PHF3: variants seen among roughly 807,000 people sequenced by gnomAD.
PHF3 encodes the protein PHD finger protein 3.
In PHF3, 41 loss-of-function variants were observed where a neutral mutation model predicts 178.4. That is an observed-to-expected ratio of 0.23 (90% CI 0.18 to 0.30). The LOEUF is 0.30. Ranked by LOEUF, PHF3 falls within the 10% of genes least tolerant of loss-of-function variation. The pLI is 1.00. For missense variants in PHF3, 2,346 were observed against 2,398.1 expected, an observed-to-expected ratio of 0.98 and a Z score of 0.45; for synonymous variants, 842 against 800.5, an observed-to-expected ratio of 1.05 and a Z score of -0.88.
intron 2 of PHF3, among the ~76,000 whole-genome samples, chr6:63,671,893 C>T (rs767623402): frequency 2.2e-4 from 33 of 151,804 alleles, no homozygotes; most frequent in Admixed American, 2.1e-3. Context: ...ATTACAGGCA[C>T]GCACCACCAC....
intron 2 of PHF3, among the ~76,000 whole-genome samples, chr6:63,651,870 G>A (rs1366299034): frequency 6.6e-6 from 1 of 152,074 alleles, no homozygotes; most frequent in Non-Finnish European, 1.5e-5. Context: ...TCCCATAATG[G>A]CAGAATTTTG....
chr6:63,639,180 G>T (rs2149532945), intron 1 of PHF3, among the ~76,000 whole-genome samples: 1 of 152,262 alleles, frequency 6.6e-6, no homozygotes, highest in East Asian at 1.9e-4. Flanking sequence ...TGGATATAGA[G>T]AAATAGTTCA....
chr6:63,679,098 GTT>G (rs144676369), intron 2 of PHF3: 1,783 of 137,792 alleles, frequency 0.013, 30 homozygotes, highest in African/African-American at 0.045. Context: ...TGATAAAGGT[GTT>G]TTTTTTTTTT....
At chr6:63,708,488 A>C (rs1767789357) in intron 13 of PHF3, among the ~76,000 whole-genome samples, 1 of 152,146 alleles carries the variant, frequency 6.6e-6, no homozygotes, top group African/African-American at 2.4e-5. Flanking sequence ...TGAAATCCCA[A>C]ATCAAATATT....
At chr6:63,679,972 A>G in intron 2 of PHF3, 28 bp from the exon 3 acceptor site, 1 of 1,589,860 alleles carries the variant, frequency 6.3e-7, no homozygotes. Context: ...TATTTTTAAA[A>G]GTTAATTTTT....
chr6:63,646,746 G>T lies in PHF3; in HGVS notation c.195G>T (p.Leu65Phe). The change falls in exon 2 of 16, where the codon TTG becomes TTT. Residue 65 changes from leucine (L) to phenylalanine (F), a missense_variant. Around this residue, in one of 8 missense-constraint regions of PHF3, gnomAD observed 843 missense variants for 795.2 expected, o/e 1.06. Transcript: ENST00000262043. ...MLGSASNQFCLPVLDSNDPNF... is the reference protein window; with the variant it reads ...MLGSASNQFCFPVLDSNDPNF... ...GATCTGCAAGTAACCAGTTCTGTTT[G>T]CCTGTTTTGGATAGCAATGATCCCA... is the stretch of plus-strand genomic sequence containing the variant. The T allele has an allele frequency of 6.2e-7, 1 of 1,601,510 alleles. No homozygotes were observed. The highest frequency in any genetic ancestry group is 1.1e-5 in the South Asian group (1 of 90,058).
intron 7 of PHF3, 36 bp from the exon 8 acceptor site, chr6:63,698,413 A>C (rs374407406): frequency 6.3e-7 from 1 of 1,584,694 alleles, no homozygotes; most frequent in Non-Finnish European, 8.6e-7. Context: ...TATGCTTTAT[A>C]CATTTGAAAA....
intron 5 of PHF3, among the ~76,000 whole-genome samples, chr6:63,692,335 C>T (rs975051878): frequency 1.3e-5 from 2 of 149,070 alleles, no homozygotes; most frequent in African/African-American, 5.0e-5. Context: ...ATCTTGTGGC[C>T]ATTAAGTGTA....
chr6:63,658,227 A>G (rs1038171539), intron 2 of PHF3, among the ~76,000 whole-genome samples: 1 of 152,214 alleles, frequency 6.6e-6, no homozygotes, highest in African/African-American at 2.4e-5. Flanking sequence ...ACAACTTCTT[A>G]AGCTTCAGCT....
intron 2 of PHF3, among the ~76,000 whole-genome samples, chr6:63,652,552 A>G (rs1194944080): frequency 2.0e-5 from 3 of 151,930 alleles, no homozygotes; most frequent in Non-Finnish European, 4.4e-5. Context: ...TCTAATCCCA[A>G]TTGTCTGCTT....
intron 8 of PHF3, 125 bp downstream of exon 8, chr6:63,698,730 G>A: frequency 1.6e-6 from 1 of 637,938 alleles, no homozygotes; most frequent in Non-Finnish European, 2.5e-6. Flanking sequence ...TTTTGATGTA[G>A]AACATGTAAT....
chr6:63,680,219 G>C, intron 3 of PHF3, 58 bp downstream of exon 3: 3 of 1,379,744 alleles, frequency 2.2e-6, no homozygotes, highest in Non-Finnish European at 3.0e-6. Context: ...AGATGTGTTA[G>C]GTTATAAACC....
intron 2 of PHF3, among the ~76,000 whole-genome samples, chr6:63,673,942 A>G (rs949519489): frequency 2.0e-5 from 3 of 152,178 alleles, no homozygotes; most frequent in Non-Finnish European, 4.4e-5. Flanking sequence ...AAAAACATTC[A>G]GTCAAAGGAT....
intron 2 of PHF3, chr6:63,679,014 C>A (rs1228756371): frequency 4.8e-6 from 1 of 206,200 alleles, no homozygotes; most frequent in Non-Finnish European, 9.9e-6. Context: ...CACAACAGCC[C>A]TGTGAGGTAG....
intron 2 of PHF3, among the ~76,000 whole-genome samples, chr6:63,659,191 T>G (rs184732256): frequency 5.6e-4 from 86 of 152,312 alleles, no homozygotes; most frequent in Non-Finnish European, 1.1e-3. Context: ...TTAATTAATT[T>G]GATTTAGCCA....
At position 63,699,642 on chromosome 6, in the gene PHF3, A is replaced by G. The variant is rs532509107; in HGVS notation, c.2983-708A>G. 2.0e-5 allele frequency among the ~76,000 whole-genome samples: 3 copies of G among 151,880 alleles called. No individual in the cohort carries two copies. The East Asian group carries it at 5.8e-4, about 29-fold the overall frequency. ...AGTCTTGCCCTGTCGCCCAGGTTGGAGTGCAGTGGCGCCATCTCAGCTCAC... is the reference window on the plus strand; with the variant it reads ...AGTCTTGCCCTGTCGCCCAGGTTGGGGTGCAGTGGCGCCATCTCAGCTCAC... On this transcript the variant is annotated intron_variant, in intron 8 of 15. Transcript: ENST00000262043.
rs769435533 is a variant in PHF3 at position 63,685,468 on chromosome 6, T to C, written c.1746T>C (p.Asp582=). Residue 582 remains aspartate (D), a synonymous_variant, in exon 4 of 16, where the codon GAT becomes GAC. Transcript: ENST00000262043. Reference sequence around the variant, plus strand: ...CTGTACTGAAAAAAACATTACAGGATCAAACTTTAGTACAAATTTTCAAGC... The same window carrying C: ...CTGTACTGAAAAAAACATTACAGGACCAAACTTTAGTACAAATTTTCAAGC... ...AHSVLKKTLQ[D]QTLVQIFKPL... is the part of the protein sequence containing the mutation. 6.2e-7 allele frequency: 1 copy of C among 1,613,886 alleles called. No individual in the cohort carries two copies. Among genetic ancestry groups the C allele is most frequent in the Non-Finnish European group, 8.5e-7 (1 of 1,180,004 alleles).
chr6:63,721,401 G>A lies in PHF3; in HGVS notation c.*7693G>A, dbSNP rs1383915143. On this transcript the variant is annotated 3_prime_UTR_variant, in exon 16 of 16. Transcript: ENST00000262043. ...TCTGCATGTGTTGTACCCACAGGCTGTCCCATCACAGTCACCTACATTTGA... is the reference window on the plus strand; with the variant it reads ...TCTGCATGTGTTGTACCCACAGGCTATCCCATCACAGTCACCTACATTTGA... 1.3e-6 allele frequency: 2 copies of A among 1,551,444 alleles called. No individual in the cohort carries two copies. Among genetic ancestry groups the A allele is most frequent in the African/African-American group, 1.4e-5 (1 of 72,982 alleles).
chr6:63,713,689 G>A lies in PHF3; in HGVS notation c.6101G>A (p.Arg2034Lys), dbSNP rs1259494509. ...RYHKDRDHTD[R>K]TKSKR ...CACAAAGATAGGGACCACACTGACA[G>A]AACTAAAAGCAAAAGGTAAAATTTG... The change falls in exon 16 of 16, where the codon AGA (arginine) becomes AAA (lysine). Residue 2034 changes from arginine to lysine, a missense_variant. Arg to Lys is a conservative substitution (Grantham distance 26, BLOSUM62 2). This residue lies in a region of PHF3 where 839 missense variants were observed against 806.9 expected (regional missense o/e 1.04). Transcript: ENST00000262043. 13 of 1,562,542 alleles carry A rather than the reference G, an allele frequency of 8.3e-6. No individual in the cohort carries two copies. The highest frequency in any genetic ancestry group is 1.2e-5 in the South Asian group (1 of 82,466).
Sources: allele counts gnomAD v4.1 joint callset (sites outside exome capture counted in the v4.1 genomes callset), GRCh38; gene constraint gnomAD v4.1.1; regional missense constraint gnomAD v4.1.1; transcripts MANE v1.5; gene names NCBI Gene and HGNC (gene_info 2026-07-23, HGNC 2026-07-21).